H6PD: variants seen among roughly 807,000 people sequenced by gnomAD.
H6PD encodes the protein hexose-6-phosphate dehydrogenase/glucose 1-dehydrogenase.
A neutral mutation model predicts 61.2 loss-of-function variants in H6PD; 48 were observed. The ratio of observed to expected loss-of-function variants is 0.78; its 90% confidence interval spans 0.62 to 1.00. The LOEUF (loss-of-function observed/expected upper bound fraction) is 1.00. H6PD is among the 50% of genes least tolerant of loss of function. The probability of loss-of-function intolerance (pLI) is 0.00; values close to 1 mark genes in which losing one functional copy is unlikely to be tolerated. For missense variants in H6PD, 1,093 were observed against 1,065.0 expected (o/e 1.03, Z -0.37); for synonymous variants, 480 against 457.9 (o/e 1.05, Z -0.62).
In H6PD at chr1:9,262,097, G is replaced by A. The variant is rs149081812; in HGVS notation, c.784G>A (p.Asp262Asn). 5 of 1,614,040 alleles carry A rather than the reference G, an allele frequency of 3.1e-6. No individual in the cohort carries two copies. Among genetic ancestry groups the A allele is most frequent in the South Asian group, 2.2e-5 (2 of 91,084 alleles). Residue 262 changes from aspartate (D) to asparagine (N), a missense_variant, in exon 4 of 5, where the codon GAC (aspartate) becomes AAC (asparagine). Transcript: ENST00000377403. Reference protein sequence around the residue: ...SFYEEYGVIRDVLQNHLTEVL... With the variant: ...SFYEEYGVIRNVLQNHLTEVL... Reference sequence around the variant, plus strand: ...CTATGAGGAGTACGGTGTCATTCGCGACGTCCTCCAGAACCATCTGACGGA... The same window carrying A: ...CTATGAGGAGTACGGTGTCATTCGCAACGTCCTCCAGAACCATCTGACGGA...
At position 9,263,687 on chromosome 1, in the gene H6PD, C is replaced by T. The variant is rs112859991; in HGVS notation, c.1194C>T (p.Leu398=). 26 of 1,614,038 alleles carry T rather than the reference C, an allele frequency of 1.6e-5. 1 individual carries two copies. The highest frequency in any genetic ancestry group is 8.0e-5 in the African/African-American group (6 of 75,072). Residue 398 remains leucine, a synonymous_variant, in exon 5 of 5, where the codon CTC becomes CTT. Transcript: ENST00000377403. ...AGAGCCAGTGCCTGCCCCGGCAGCTCGTCTTCCACATCGGCCATGGCGACC... is the reference window on the plus strand; with the variant it reads ...AGAGCCAGTGCCTGCCCCGGCAGCTTGTCTTCCACATCGGCCATGGCGACC... The part of the protein sequence containing the change: ...AAQSQCLPRQ[L]VFHIGHGDLG...
chr1:9,243,063 C>A, intron 1 of H6PD: 2 of 673,386 alleles, frequency 3.0e-6, no homozygotes, highest in Non-Finnish European at 3.7e-6. Context: ...CTAGTTAAAG[C>A]TCCAGTGATG....
chr1:9,236,148 C>T (rs953900018), intron 1 of H6PD, among the ~76,000 whole-genome samples: 4 of 152,062 alleles, frequency 2.6e-5, no homozygotes, highest in Non-Finnish European at 4.4e-5. Context: ...GCCACCACAC[C>T]CGGCTAATTT....
Position 9,264,169 on chromosome 1 carries a change from G to A in H6PD, c.1676G>A (p.Trp559Ter), listed in dbSNP as rs755611828. 2 of 1,612,368 alleles carry A rather than the reference G, an allele frequency of 1.2e-6. No individual in the cohort carries two copies. Among genetic ancestry groups the A allele is most frequent in the African/African-American group, 1.3e-5 (1 of 74,898 alleles). The change falls in exon 5 of 5, where the codon TGG becomes TAG. Residue 559 changes from tryptophan (W) to a stop codon, truncating the protein, a stop_gained. Coordinates refer to ENST00000377403, the MANE Select transcript of H6PD (RefSeq NM_004285.4). LOFTEE classifies it high-confidence loss of function. ...KYRESPLVSA[W>*]SEELISKLAN... is the part of the protein sequence containing the mutation. ...CGAGAGAGCCCGCTGGTCTCCGCCT[G>A]GTCCGAGGAGCTGATCTCTAAGCTG...
In H6PD at chr1:9,258,003, C is replaced by T. The variant is rs143056029; in HGVS notation, c.746-4056C>T. On this transcript the variant is annotated intron_variant, in intron 3 of 4. Transcript: ENST00000377403. ...TCAGAGGAGGGAGTGGAGCGGAGCT[C>T]GTGGTTAAGCAGTGTCTGCTTCTGC... 7.8e-4 allele frequency among the ~76,000 whole-genome samples: 119 copies of T among 152,356 alleles called. 1 individual carries two copies. The highest frequency in any genetic ancestry group is 2.0e-3 in the African/African-American group (82 of 41,592).
Position 9,236,623 on chromosome 1 carries a change from C to T in H6PD, c.-11+1557C>T, listed in dbSNP as rs369841379. Among the ~76,000 whole-genome samples, 57 of 149,582 alleles carry T rather than the reference C, an allele frequency of 3.8e-4. No homozygotes were observed. In the East Asian group the frequency reaches 0.011, roughly 29 times the overall value. On this transcript the variant is annotated intron_variant, in intron 1 of 4. Transcript: ENST00000377403. ...GACGGAGGTTGCAGTGAACCAAGAT[C>T]GTGCCACTGCACTCCAGCCTGGGTG...
chr1:9,243,665 T>C (rs557842274), intron 1 of H6PD, among the ~76,000 whole-genome samples: 9 of 152,166 alleles, frequency 5.9e-5, no homozygotes, highest in Non-Finnish European at 1.2e-4. Context: ...AAACAAATAC[T>C]TGGTGTGTTT....
chr1:9,235,811 T>C (rs1207484120), intron 1 of H6PD, among the ~76,000 whole-genome samples: 4 of 152,066 alleles, frequency 2.6e-5, no homozygotes, highest in African/African-American at 9.7e-5. Flanking sequence ...GTGGTCTCAC[T>C]ATGTTGCCCT....
chr1:9,264,699 A>G lies in H6PD; in HGVS notation c.2206A>G (p.Ile736Val). The G allele has an allele frequency of 1.2e-6, 2 of 1,613,382 alleles. No individual in the cohort carries two copies. Among genetic ancestry groups the G allele is most frequent in the Non-Finnish European group, 8.5e-7 (1 of 1,180,004 alleles). The change falls in exon 5 of 5, where the codon ATC (isoleucine) becomes GTC (valine). Residue 736 changes from isoleucine to valine, a missense_variant. By Grantham distance (29) the Ile-to-Val change is conservative. Coordinates refer to ENST00000377403, the MANE Select transcript of H6PD (RefSeq NM_004285.4). Reference protein sequence around the residue: ...HRRMSLSLPLINRAKKVAVLV... With the variant: ...HRRMSLSLPLVNRAKKVAVLV... Reference sequence around the variant, plus strand: ...CCGCATGAGCCTTAGCCTGCCTCTCATCAACCGCGCCAAGAAGGTGGCAGT... The same window carrying G: ...CCGCATGAGCCTTAGCCTGCCTCTCGTCAACCGCGCCAAGAAGGTGGCAGT...
intron 1 of H6PD, among the ~76,000 whole-genome samples, chr1:9,241,305 A>T (rs930279101): frequency 5.6e-5 from 7 of 124,542 alleles, no homozygotes; most frequent in Non-Finnish European, 9.5e-5. Flanking sequence ...TGTTTTGTAG[A>T]TGAAGAAATG....
chr1:9,263,701 G>T lies in H6PD; in HGVS notation c.1208G>T (p.Gly403Val). Residue 403 changes from glycine (G) to valine (V), a missense_variant, in exon 5 of 5, where the codon GGC becomes GTC. By Grantham distance (109) the Gly-to-Val change is moderately radical. Transcript: ENST00000377403. Reference protein sequence around the residue: ...CLPRQLVFHIGHGDLGSPAVL... With the variant: ...CLPRQLVFHIVHGDLGSPAVL... Reference sequence around the variant, plus strand: ...CCCCGGCAGCTCGTCTTCCACATCGGCCATGGCGACCTGGGCAGCCCTGCC... The same window carrying T: ...CCCCGGCAGCTCGTCTTCCACATCGTCCATGGCGACCTGGGCAGCCCTGCC... 6.2e-7 allele frequency: 1 copy of T among 1,614,014 alleles called. No homozygotes were observed. The highest frequency in any genetic ancestry group is 8.5e-7 in the Non-Finnish European group (1 of 1,179,996).
intron 3 of H6PD, among the ~76,000 whole-genome samples, chr1:9,249,830 C>T (rs780867658): frequency 5.3e-5 from 8 of 152,224 alleles, no homozygotes; most frequent in Admixed American, 3.3e-4. Context: ...CTTGATAGCT[C>T]GTAGCAGGGA....
chr1:9,263,137 C>A, intron 4 of H6PD, among the ~76,000 whole-genome samples: 1 of 151,524 alleles, frequency 6.6e-6, no homozygotes, highest in East Asian at 1.9e-4. Context: ...CTCTGTAGGA[C>A]CCCCTGACCC....
chr1:9,237,242 T>G (rs1283401839), intron 1 of H6PD, among the ~76,000 whole-genome samples: 1 of 107,056 alleles, frequency 9.3e-6, no homozygotes, highest in Non-Finnish European at 2.0e-5. Flanking sequence ...TTCTCTTTTT[T>G]TTTTTTTTTT....
rs967689076 is a variant in H6PD, at chr1:9,254,799, A to G, written c.746-7260A>G. Among the ~76,000 whole-genome samples, 1 of 152,130 alleles carries G rather than the reference A, an allele frequency of 6.6e-6. No homozygotes were observed. Among genetic ancestry groups the G allele is most frequent in the Non-Finnish European group, 1.5e-5 (1 of 68,036 alleles). ...TCACAGAGTTGTGTGTCAGTACCAC[A>G]ATCAATTTTAGGACATGTTCATCAC... On this transcript the variant is annotated intron_variant, in intron 3 of 4. Transcript: ENST00000377403. The surrounding 1 kb of genome is among the most constrained non-coding windows in gnomAD (Gnocchi z 4.6).
rs1638658524 is a variant in H6PD, at chr1:9,268,932, CTT to C, written c.*4067_*4068del. 6.6e-6 allele frequency: 1 copy of C among 152,192 alleles called. No homozygotes were observed. Among genetic ancestry groups the C allele is most frequent in the Non-Finnish European group, 1.5e-5 (1 of 68,040 alleles). The allele number at this position is 152,192 out of a possible 1,614,324, so 9.4% of individuals were successfully genotyped here. On this transcript the variant is annotated 3_prime_UTR_variant, in exon 5 of 5. Coordinates refer to ENST00000377403, the MANE Select transcript of H6PD (RefSeq NM_004285.4). ...CAGAATTTGGTTTTCAAGTACAAAA[CTT>C]TTTGTCCTGTAAGATATATGCAGCC...
chr1:9,263,614 A>G lies in H6PD; in HGVS notation c.1121A>G (p.Lys374Arg). The change falls in exon 5 of 5, where the codon AAG becomes AGG. Residue 374 changes from lysine to arginine, a missense_variant. By Grantham distance (26) the Lys-to-Arg change is conservative. Coordinates refer to ENST00000377403, the MANE Select transcript of H6PD (RefSeq NM_004285.4). ...GTGGGCTACGCTCGGATCTTGTTCA[A>G]GAACCAGGCCTGCTGTGTGCAGAGC... ...ERVGYARILF[K>R]NQACCVQSEK... The G allele has an allele frequency of 6.2e-7, 1 of 1,614,252 alleles. No individual in the cohort carries two copies. The highest frequency in any genetic ancestry group is 8.5e-7 in the Non-Finnish European group (1 of 1,180,040).
chr1:9,271,128 T>G lies in H6PD; in HGVS notation c.*6259T>G. 6.6e-6 allele frequency: 1 copy of G among 152,070 alleles called. No homozygotes were observed. The highest frequency in any genetic ancestry group is 1.5e-5 in the Non-Finnish European group (1 of 68,032). 9.4% of individuals were successfully genotyped at this position (152,070 alleles called of 1,614,324 possible). ...TTTGTGTTTTTAGTAGAGACGGAGTTTCACCATGTTGGCCAGGCTGGTCTC... is the reference window on the plus strand; with the variant it reads ...TTTGTGTTTTTAGTAGAGACGGAGTGTCACCATGTTGGCCAGGCTGGTCTC... On this transcript the variant is annotated 3_prime_UTR_variant, in exon 5 of 5. Coordinates refer to ENST00000377403, the MANE Select transcript of H6PD (RefSeq NM_004285.4).
chr1:9,261,523 C>G (rs761177488), intron 3 of H6PD, among the ~76,000 whole-genome samples: 2 of 152,354 alleles, frequency 1.3e-5, no homozygotes, highest in Non-Finnish European at 2.9e-5. Flanking sequence ...CCCTCCCACT[C>G]CCCTGCACAT....
Sources: gnomAD v4.1 joint callset for allele counts (sites outside exome capture counted in the v4.1 genomes callset) on GRCh38, gnomAD v4.1.1 for gene constraint, Gnocchi (gnomAD v3.1) non-coding constraint, MANE v1.5 for transcripts, NCBI Gene and HGNC (gene_info 2026-07-23, HGNC 2026-07-21) for gene names.